The following ZNF609 variants were observed in gnomAD, a reference collection of about 807,000 sequenced individuals.
ZNF609 encodes zinc finger protein 609.
In ZNF609, 11 loss-of-function variants were observed where a neutral mutation model predicts 109.5. That is an observed-to-expected ratio of 0.10 (90% CI 0.06 to 0.17). The LOEUF (loss-of-function observed/expected upper bound fraction) is 0.17, where lower values mean the gene tolerates loss of function less well. Among genes scored for constraint, ZNF609 ranks in the 10% least tolerant of loss-of-function variants. The pLI, the probability that ZNF609 is intolerant of heterozygous loss-of-function variation, is 1.00. For synonymous variants in ZNF609, 646 were observed against 662.0 expected (o/e 0.98, Z 0.37); for missense variants, 1,559 against 1,772.4 (o/e 0.88, Z 2.16).
chr15:64,671,165 G>C (rs1361768009), intron 4 of ZNF609: 2 of 137,044 alleles, frequency 1.5e-5, no homozygotes, highest in Non-Finnish European at 3.1e-5. Context: ...AGCCGAGATC[G>C]CGCCACTGCA....
intron 2 of ZNF609, among the ~76,000 whole-genome samples, chr15:64,552,038 T>G (rs1052498856): frequency 6.6e-6 from 1 of 152,006 alleles, no homozygotes. Context: ...GTTTGTTTTC[T>G]TATTATTGTG....
intron 2 of ZNF609, among the ~76,000 whole-genome samples, chr15:64,537,042 G>A (rs908962096): frequency 9.2e-5 from 14 of 151,736 alleles, no homozygotes; most frequent in Admixed American, 2.6e-4. Context: ...GGCCAACATG[G>A]CGAAACCCCG....
At chr15:64,535,485 TGGTATAG>T (rs1894127216) in intron 2 of ZNF609, among the ~76,000 whole-genome samples, 1 of 152,234 alleles carries the variant, frequency 6.6e-6, no homozygotes, top group Non-Finnish European at 1.5e-5. Context: ...TAGTATTCCA[TGGTATAG>T]ATATACCACA....
At chr15:64,538,728 T>G (rs778607865) in intron 2 of ZNF609, among the ~76,000 whole-genome samples, 13 of 152,040 alleles carry the variant, frequency 8.6e-5, no homozygotes, top group Admixed American at 1.3e-4. Flanking sequence ...GTATTTTTAG[T>G]AGAGACGGGG....
chr15:64,622,751 A>C (rs1251193644), intron 2 of ZNF609, 76 bp from the exon 3 acceptor site: 1 of 1,263,942 alleles, frequency 7.9e-7, no homozygotes, highest in Non-Finnish European at 1.2e-6. Flanking sequence ...ATATAGGACT[A>C]GATTAAATAC....
At chr15:64,673,672 C>T (rs1038602713) in intron 4 of ZNF609, among the ~76,000 whole-genome samples, 24 of 152,122 alleles carry the variant, frequency 1.6e-4, no homozygotes, top group Admixed American at 1.4e-3. Context: ...GAAATGTTGA[C>T]TTGACTATCT....
chr15:64,504,704 T>A (rs1374609256), intron 2 of ZNF609, among the ~76,000 whole-genome samples: 1 of 151,520 alleles, frequency 6.6e-6, no homozygotes, highest in Non-Finnish European at 1.5e-5. Context: ...TGGTCTCAAA[T>A]TCCTGACTTC....
At chr15:64,621,224 CTT>C (rs1895870717) in intron 2 of ZNF609, among the ~76,000 whole-genome samples, 1 of 152,186 alleles carries the variant, frequency 6.6e-6, no homozygotes, top group Non-Finnish European at 1.5e-5. Context: ...CATTGAGTGT[CTT>C]TGCATATGCA....
At chr15:64,525,317 C>A (rs1230146877) in intron 2 of ZNF609, among the ~76,000 whole-genome samples, 1 of 152,132 alleles carries the variant, frequency 6.6e-6, no homozygotes, top group Non-Finnish European at 1.5e-5. Flanking sequence ...TTTCCTAGCA[C>A]CAATCGTTGA....
chr15:64,670,937 C>T (rs895665155), intron 4 of ZNF609, among the ~76,000 whole-genome samples: 1 of 148,790 alleles, frequency 6.7e-6, no homozygotes, highest in Non-Finnish European at 1.5e-5. Flanking sequence ...GGGCCGGGTA[C>T]GGTGGCTCAC....
chr15:64,486,803 G>T (rs893081840), intron 1 of ZNF609, among the ~76,000 whole-genome samples: 1 of 152,034 alleles, frequency 6.6e-6, no homozygotes, highest in Non-Finnish European at 1.5e-5. Context: ...TTTTAGTAGA[G>T]GCAGGTTTTG....
At chr15:64,476,471 G>C in intron 1 of ZNF609, among the ~76,000 whole-genome samples, 1 of 152,140 alleles carries the variant, frequency 6.6e-6, no homozygotes, top group East Asian at 1.9e-4. Context: ...CCCTAAATAA[G>C]ATGGTTAAAG....
chr15:64,579,409 CAAAAA>C (rs772818773), intron 2 of ZNF609, among the ~76,000 whole-genome samples: 5 of 79,866 alleles, frequency 6.3e-5, no homozygotes, highest in Admixed American at 1.4e-4. Context: ...GACCCTGTCT[CAAAAA>C]AAAAAAAAAA....
chr15:64,496,915 G>T (rs965409844), intron 1 of ZNF609, among the ~76,000 whole-genome samples: 1 of 152,022 alleles, frequency 6.6e-6, no homozygotes. Context: ...CCAGGCTCAA[G>T]CCATCCTCCC....
At chr15:64,560,281 C>T (rs1049342593) in intron 2 of ZNF609, among the ~76,000 whole-genome samples, 10 of 151,708 alleles carry the variant, frequency 6.6e-5, no homozygotes, top group African/African-American at 7.3e-5. Context: ...CTCTTGACCT[C>T]GTGATCTGCC....
chr15:64,623,916 A>C (rs1266007608), intron 3 of ZNF609, among the ~76,000 whole-genome samples: 2 of 152,192 alleles, frequency 1.3e-5, no homozygotes, highest in Non-Finnish European at 2.9e-5. Context: ...ATCAGTAAAC[A>C]GACTTTCAAA....
chr15:64,666,545 C>T (rs887504092), intron 3 of ZNF609, among the ~76,000 whole-genome samples: 1 of 151,910 alleles, frequency 6.6e-6, no homozygotes, highest in African/African-American at 2.4e-5. Context: ...GCTCTGTCGC[C>T]GAGGCTGGAG....
chr15:64,674,888 A>C lies in ZNF609; in HGVS notation c.2034A>C (p.Ala678=). 6.2e-7 allele frequency: 1 copy of C among 1,614,150 alleles called. No homozygotes were observed. Among genetic ancestry groups the C allele is most frequent in the Non-Finnish European group, 8.5e-7 (1 of 1,180,030 alleles). Residue 678 remains alanine, a synonymous_variant, in exon 5 of 10, where the codon GCA becomes GCC. Transcript: ENST00000326648. ...CCTTCCAGACAGCCACCTTCACAGCAGCGAGCCCAGGCTCTTCCTCAGGCT... is the reference window on the plus strand; with the variant it reads ...CCTTCCAGACAGCCACCTTCACAGCCGCGAGCCCAGGCTCTTCCTCAGGCT... ...IYTFQTATFT[A]ASPGSSSGLT...
At chr15:64,537,997 T>G (rs765641574) in intron 2 of ZNF609, among the ~76,000 whole-genome samples, 102 of 151,502 alleles carry the variant, frequency 6.7e-4, no homozygotes, top group Admixed American at 1.1e-3. Flanking sequence ...TCCCAGCTAC[T>G]CGGGAGGCTG....
Sources: allele counts gnomAD v4.1 joint callset (sites outside exome capture counted in the v4.1 genomes callset), GRCh38; gene constraint gnomAD v4.1.1; transcripts MANE v1.5; gene names NCBI Gene and HGNC (gene_info 2026-07-23, HGNC 2026-07-21).